KCNK2: variants seen among roughly 807,000 people sequenced by gnomAD.
The protein encoded by KCNK2 is potassium channel subfamily K member 2.
In KCNK2, 21 loss-of-function variants were observed where a neutral mutation model predicts 40.5. That is an observed-to-expected ratio of 0.52 (90% CI 0.37 to 0.75). The LOEUF (loss-of-function observed/expected upper bound fraction) is 0.75. KCNK2 is among the 30% of genes least tolerant of loss of function. The probability of loss-of-function intolerance (pLI) is 0.00; values close to 1 mark genes in which losing one functional copy is unlikely to be tolerated. For missense variants in KCNK2, 399 were observed against 531.6 expected (o/e 0.75, Z 2.45); for synonymous variants, 191 against 202.2 (o/e 0.94, Z 0.47).
intron 6 of KCNK2, among the ~76,000 whole-genome samples, chr1:215,206,279 C>T (rs1357471741): frequency 1.3e-5 from 2 of 152,040 alleles, no homozygotes; most frequent in African/African-American, 4.8e-5. Flanking sequence ...TCAAAGCATT[C>T]AGATATGGAA....
At chr1:215,145,389 C>A (rs1662368946) in intron 3 of KCNK2, among the ~76,000 whole-genome samples, 1 of 152,074 alleles carries the variant, frequency 6.6e-6, no homozygotes, top group African/African-American at 2.4e-5. Context: ...CACCTGGGCT[C>A]TAGAGCCTGA....
rs564184766 is a variant in KCNK2 at position 215,230,507 on chromosome 1, G to GTGTA, written c.964-4320_964-4319insGTAT. Among the ~76,000 whole-genome samples, 409 of 65,450 alleles carry GTGTA rather than the reference G, an allele frequency of 6.2e-3. 15 individuals carry two copies. The highest frequency in any genetic ancestry group is 0.027 in the African/African-American group (371 of 13,724). The allele number at this position is 65,450 out of a possible 152,430, so 42.9% of individuals were successfully genotyped here. On this transcript the variant is annotated intron_variant, in intron 6 of 6. Transcript: ENST00000444842. Reference sequence around the variant, plus strand: ...CACACACACACACACACACACGGCTGTATATATATATATATATATATATAT... The same window carrying GTGTA: ...CACACACACACACACACACACGGCTGTGTATATATATATATATATATATATATAT...
At chr1:215,085,551 G>A (rs1418669246) in intron 1 of KCNK2, among the ~76,000 whole-genome samples, 1 of 152,182 alleles carries the variant, frequency 6.6e-6, no homozygotes, top group African/African-American at 2.4e-5. Flanking sequence ...TTTGAACAGA[G>A]CATGTAGACA....
Position 215,047,141 on chromosome 1 carries a change from T to C in KCNK2, c.35-39227T>C, listed in dbSNP as rs571299481. ...TGATTTTAACTTGCAGAAAATTAAA[T>C]ACGATTTAATGTTCTCCTTGAAAAG... On this transcript the variant is annotated intron_variant, in intron 1 of 6. Transcript: ENST00000391895. Among the ~76,000 whole-genome samples the C allele has an allele frequency of 6.6e-5, 10 of 152,194 alleles. No individual in the cohort carries two copies. The East Asian group carries it at 1.9e-3, about 29-fold the overall frequency.
intron 3 of KCNK2, among the ~76,000 whole-genome samples, chr1:215,132,732 A>C (rs1462092222): frequency 6.6e-6 from 1 of 152,200 alleles, no homozygotes; most frequent in African/African-American, 2.4e-5. Context: ...AAAAATCTTC[A>C]TGTAGGCTTA....
Position 215,204,037 on chromosome 1 carries a change from CAAAAAAAAAAAA to C in KCNK2, c.963+8961_963+8972del, listed in dbSNP as rs71167813. ...TGGGCGATAGAGCGAGACTCCGTCT[CAAAAAAAAAAAA>C]AAAAAAAAAAAAAAAGAACTAGTTT... On this transcript the variant is annotated intron_variant, in intron 6 of 6. Transcript: ENST00000444842. 1.2e-3 allele frequency among the ~76,000 whole-genome samples: 65 copies of C among 53,188 alleles called. 2 individuals carry two copies. In the Admixed American group the frequency reaches 0.018, roughly 14 times the overall value. The allele number at this position is 53,188 out of a possible 152,430, so 34.9% of individuals were successfully genotyped here.
At chr1:215,019,008 A>AAT (rs773922666) in intron 1 of KCNK2, among the ~76,000 whole-genome samples, 3 of 150,844 alleles carry the variant, frequency 2.0e-5, no homozygotes, top group Non-Finnish European at 2.9e-5. Context: ...CAAAAAAAAA[A>AAT]CCATCTAAGA....
At chr1:215,143,904 T>C (rs1265638397) in intron 3 of KCNK2, among the ~76,000 whole-genome samples, 1 of 152,140 alleles carries the variant, frequency 6.6e-6, no homozygotes, top group East Asian at 1.9e-4. Flanking sequence ...GAAAACACTT[T>C]CTACAAGTAA....
intron 6 of KCNK2, among the ~76,000 whole-genome samples, chr1:215,199,612 G>T (rs1486994114): frequency 6.6e-6 from 1 of 152,158 alleles, no homozygotes; most frequent in Admixed American, 6.6e-5. Context: ...AAGCTCCAGT[G>T]GAGGGTAGGC....
intron 1 of KCNK2, among the ~76,000 whole-genome samples, chr1:215,059,102 TAC>T (rs1042103279): frequency 6.1e-5 from 9 of 148,142 alleles, no homozygotes; most frequent in African/African-American, 2.2e-4. Flanking sequence ...TGTATATATA[TAC>T]ACACACATAC....
chr1:215,198,514 G>A (rs768095267), intron 6 of KCNK2, among the ~76,000 whole-genome samples: 1 of 152,222 alleles, frequency 6.6e-6, no homozygotes, highest in Admixed American at 6.5e-5. Flanking sequence ...AATGGAAAAC[G>A]ATTATTAGAC....
intron 3 of KCNK2, among the ~76,000 whole-genome samples, chr1:215,128,599 G>A (rs1421130743): frequency 6.6e-6 from 1 of 151,294 alleles, no homozygotes; most frequent in Non-Finnish European, 1.5e-5. Context: ...ACATGGGCTG[G>A]AACTGAAAGG....
In KCNK2 at chr1:215,236,095, TCTAA is replaced by T. The variant is rs1185329185; in HGVS notation, c.*951_*954del. ...ATCTATCTATCTATCTATCTATCTA[TCTAA>T]ATGACCTGACAGAAGAAAACTGTTA... On this transcript the variant is annotated 3_prime_UTR_variant, in exon 7 of 7. Transcript: ENST00000444842. The T allele has an allele frequency of 6.7e-6, 1 of 149,972 alleles. No homozygotes were observed. Among genetic ancestry groups the T allele is most frequent in the African/African-American group, 2.4e-5 (1 of 40,880 alleles). The allele number at this position is 149,972 out of a possible 1,614,324, so 9.3% of individuals were successfully genotyped here.
intron 1 of KCNK2, among the ~76,000 whole-genome samples, chr1:215,043,638 G>A (rs570755274): frequency 1.3e-5 from 2 of 152,300 alleles, no homozygotes; most frequent in East Asian, 1.9e-4. Flanking sequence ...ATGGGCTTGG[G>A]GGAGGGAGGA....
chr1:215,093,706 A>G (rs1451093612), intron 2 of KCNK2, among the ~76,000 whole-genome samples: 3 of 95,376 alleles, frequency 3.1e-5, no homozygotes, highest in Non-Finnish European at 5.6e-5. Flanking sequence ...TATATATTAT[A>G]TTATATATTA....
At chr1:215,178,331 C>T (rs1363149511) in intron 5 of KCNK2, among the ~76,000 whole-genome samples, 1 of 151,984 alleles carries the variant, frequency 6.6e-6, no homozygotes, top group African/African-American at 2.4e-5. Flanking sequence ...TCTTCTTTTC[C>T]TATTTGGATG....
intron 6 of KCNK2, among the ~76,000 whole-genome samples, chr1:215,204,283 T>A (rs1161059583): frequency 2.0e-5 from 3 of 151,752 alleles, no homozygotes; most frequent in Admixed American, 1.3e-4. Flanking sequence ...TCCTTTTTTT[T>A]AAATTTTAGG....
At chr1:215,112,842 C>T (rs539733631) in intron 2 of KCNK2, among the ~76,000 whole-genome samples, 5 of 152,232 alleles carry the variant, frequency 3.3e-5, no homozygotes, top group South Asian at 2.1e-4. Context: ...AGTAGGCTAT[C>T]GCATCTAGGT....
At chr1:215,097,558 G>A (rs1660033428) in intron 2 of KCNK2, among the ~76,000 whole-genome samples, 1 of 151,664 alleles carries the variant, frequency 6.6e-6, no homozygotes, top group Admixed American at 6.6e-5. Flanking sequence ...TGCTACCTTT[G>A]TGAGTTCATT....
Sources: gnomAD v4.1 joint callset for allele counts (sites outside exome capture counted in the v4.1 genomes callset) on GRCh38, gnomAD v4.1.1 for gene constraint, MANE v1.5 for transcripts, NCBI Gene and HGNC (gene_info 2026-07-23, HGNC 2026-07-21) for gene names.